The following PFKM variants were observed in gnomAD, a reference collection of about 807,000 sequenced individuals.
The protein encoded by PFKM is ATP-dependent 6-phosphofructokinase, muscle type.
In PFKM, 58 loss-of-function variants were observed where a neutral mutation model predicts 95.5. The ratio of observed to expected loss-of-function variants is 0.61; its 90% CI spans 0.49 to 0.76. PFKM has a LOEUF of 0.76. Among genes scored for constraint, PFKM ranks in the 30% least tolerant of loss-of-function variants. The pLI is 0.00. For missense variants in PFKM, 678 were observed against 1,005.4 expected (o/e 0.67, Z 4.40); for synonymous variants, 336 against 357.2 (o/e 0.94, Z 0.67).
At chr12:48,110,848 A>G (rs1033344391) in intron 3 of PFKM, among the ~76,000 whole-genome samples, 1 of 152,178 alleles carries the variant, frequency 6.6e-6, no homozygotes, top group Non-Finnish European at 1.5e-5. Context: ...TGTGTGGCCC[A>G]TAGAGGATCA....
chr12:48,127,041 G>A lies in PFKM; in HGVS notation c.86-3322G>A, dbSNP rs12304251. On this transcript the variant is annotated intron_variant, in intron 2 of 22. Coordinates refer to ENST00000359794, the MANE Select transcript of PFKM (RefSeq NM_000289.6). ...GGGCTTTGCCTTAGTGATGTCATAA[G>A]TAAGCTTTGACATCAGTGCTCACCA... 7.8e-3 allele frequency among the ~76,000 whole-genome samples: 1,195 copies of A among 152,252 alleles called. 28 individuals are homozygous for A. Among genetic ancestry groups the A allele is most frequent in the African/African-American group, 0.027 (1,131 of 41,546 alleles).
At chr12:48,107,171 G>A (rs1165163073) in intron 1 of PFKM, among the ~76,000 whole-genome samples, 1 of 152,168 alleles carries the variant, frequency 6.6e-6, no homozygotes, top group Non-Finnish European at 1.5e-5. Flanking sequence ...TCAGCAGCTT[G>A]CTGAGTTCAG....
chr12:48,137,397 GA>G, intron 10 of PFKM: 1 of 392,714 alleles, frequency 2.5e-6, no homozygotes, highest in Non-Finnish European at 4.8e-6. Flanking sequence ...ATCTTCACTG[GA>G]AGAGCAAAGC....
At chr12:48,107,504 C>G in intron 2 of PFKM, 6 of 1,204,842 alleles carry the variant, frequency 5.0e-6, no homozygotes, top group Non-Finnish European at 7.3e-6. Flanking sequence ...TGGGTTCTCT[C>G]ACAAGAAGTC....
chr12:48,115,384 T>C (rs926509552), upstream of PFKM, among the ~76,000 whole-genome samples: 1 of 152,158 alleles, frequency 6.6e-6, no homozygotes, highest in African/African-American at 2.4e-5. Context: ...TTAGTTCTTA[T>C]AGGTTTTAGG....
At chr12:48,121,639 T>C (rs1948288343) in intron 1 of PFKM, among the ~76,000 whole-genome samples, 1 of 152,174 alleles carries the variant, frequency 6.6e-6, no homozygotes, top group Admixed American at 6.5e-5. Context: ...ACATCTCCAC[T>C]GAAGCCTAGG....
intron 18 of PFKM, among the ~76,000 whole-genome samples, chr12:48,143,341 G>A (rs1300526471): frequency 6.6e-6 from 1 of 152,224 alleles, no homozygotes; most frequent in Non-Finnish European, 1.5e-5. Flanking sequence ...ACTACATCAT[G>A]TCTCCCCTTC....
chr12:48,141,619 G>A, intron 15 of PFKM, 121 bp from the exon 16 acceptor site: 1 of 864,212 alleles, frequency 1.2e-6, no homozygotes, highest in Non-Finnish European at 2.0e-6. Context: ...AGGGAGGGCG[G>A]CACAGGTCAA....
chr12:48,130,497 A>T, intron 3 of PFKM, 61 bp downstream of exon 3: 1 of 1,249,898 alleles, frequency 8.0e-7, no homozygotes, highest in Non-Finnish European at 1.2e-6. Flanking sequence ...TCTGCCTTCT[A>T]TCCCCTTCCC....
In PFKM at chr12:48,133,187, C is replaced by A. The variant is rs112524281; in HGVS notation, c.428-128C>A. 61 of 1,256,022 alleles carry A rather than the reference C, an allele frequency of 4.9e-5. No individual in the cohort carries two copies. In the African/African-American group the frequency reaches 7.2e-4, roughly 15 times the overall value. 77.8% of individuals were successfully genotyped at this position (1,256,022 alleles called of 1,614,324 possible). Reference sequence around the variant, plus strand: ...TGTTACCCAGACACAAATAGGCAGTCTTTGCCCTCCTTTTTCTGGTATTGT... The same window carrying A: ...TGTTACCCAGACACAAATAGGCAGTATTTGCCCTCCTTTTTCTGGTATTGT... On this transcript the variant is annotated intron_variant, in intron 5 of 22. Coordinates refer to ENST00000359794, the MANE Select transcript of PFKM (RefSeq NM_000289.6).
intron 10 of PFKM, chr12:48,137,365 T>C: frequency 3.2e-6 from 1 of 316,876 alleles, no homozygotes; most frequent in Non-Finnish European, 6.1e-6. Flanking sequence ...CCTTAGACAC[T>C]CAGTTTAAAC....
At chr12:48,131,030 GT>G (rs1949424033) in intron 3 of PFKM, among the ~76,000 whole-genome samples, 1 of 152,162 alleles carries the variant, frequency 6.6e-6, no homozygotes. Flanking sequence ...TAGGAAGCAG[GT>G]TGGAGGAGAT....
At chr12:48,142,513 T>G in intron 17 of PFKM, 1 of 496,334 alleles carries the variant, frequency 2.0e-6, no homozygotes, top group Non-Finnish European at 3.5e-6. Context: ...AAATGTTTTG[T>G]TTGTTTTTTT....
chr12:48,131,485 A>G lies in PFKM; in HGVS notation c.237+92A>G, dbSNP rs1592717638. ...CTCATGGTCTCCTAAATTCCCTGTCATGTGGTTTCATGGGAAGGAATTCAG... is the reference window on the plus strand; with the variant it reads ...CTCATGGTCTCCTAAATTCCCTGTCGTGTGGTTTCATGGGAAGGAATTCAG... On this transcript the variant is annotated intron_variant, in intron 4 of 22. Coordinates refer to ENST00000359794, the MANE Select transcript of PFKM (RefSeq NM_000289.6). 8.9e-6 allele frequency: 8 copies of G among 900,030 alleles called. No homozygotes were observed. In the East Asian group the frequency reaches 1.7e-4, roughly 19 times the overall value. The allele number at this position is 900,030 out of a possible 1,614,324, so 55.8% of individuals were successfully genotyped here.
At chr12:48,126,385 T>C (rs1458768713) in intron 2 of PFKM, among the ~76,000 whole-genome samples, 3 of 152,180 alleles carry the variant, frequency 2.0e-5, no homozygotes, top group African/African-American at 7.2e-5. Context: ...ATGAAGAGCA[T>C]CCTAAAGTTT....
chr12:48,146,006 A>C lies in PFKM; in HGVS notation c.*298A>C, dbSNP rs1026258609. On this transcript the variant is annotated 3_prime_UTR_variant, in exon 23 of 23. Coordinates refer to ENST00000359794, the MANE Select transcript of PFKM (RefSeq NM_000289.6). ...TAGAATTTTCCTAAAAATAAGCTTT[A>C]TTTATTTCTTTGTGATAACAAAGAG... 1 of 389,818 alleles carries C rather than the reference A, an allele frequency of 2.6e-6. No individual in the cohort carries two copies. The allele number at this position is 389,818 out of a possible 1,614,324, so 24.1% of individuals were successfully genotyped here.
chr12:48,122,925 A>G lies in PFKM; in HGVS notation c.85+66A>G, dbSNP rs909678381. On this transcript the variant is annotated intron_variant, in intron 2 of 22. Transcript: ENST00000359794. ...TGGAATTTACTGACTCCCTTAGCCT[A>G]TACAATAGAATTATTCTTCTGTAGG... 4.1e-5 allele frequency: 59 copies of G among 1,446,908 alleles called. No individual in the cohort carries two copies. The East Asian group carries it at 1.2e-3, about 31-fold the overall frequency. 89.6% of individuals were successfully genotyped at this position (1,446,908 alleles called of 1,614,324 possible). A position where few individuals can be genotyped will look rare whatever the true frequency, so the allele number is the denominator to read the frequency against.
Position 48,144,190 on chromosome 12 carries a change from A to C in PFKM, c.1992+33A>C, listed in dbSNP as rs1218715111. On this transcript the variant is annotated intron_variant, in intron 20 of 22. Coordinates refer to ENST00000359794, the MANE Select transcript of PFKM (RefSeq NM_000289.6). ...AGACACCGTAGTCATGCCCTTCATC[A>C]GACAGCCATACCTGCCAACAGCCAT... 7 of 1,396,962 alleles carry C rather than the reference A, an allele frequency of 5.0e-6. No individual in the cohort carries two copies. In the South Asian group the frequency reaches 6.9e-5, roughly 14 times the overall value. 86.5% of individuals were successfully genotyped at this position (1,396,962 alleles called of 1,614,324 possible).
chr12:48,140,198 T>C (rs1476515421), intron 13 of PFKM, among the ~76,000 whole-genome samples: 2 of 152,220 alleles, frequency 1.3e-5, no homozygotes, highest in South Asian at 2.1e-4. Context: ...TTATGTACTT[T>C]TTCTCTGGGA....
Sources: allele counts gnomAD v4.1 joint callset (sites outside exome capture counted in the v4.1 genomes callset), GRCh38; gene constraint gnomAD v4.1.1; transcripts MANE v1.5; gene names NCBI Gene and HGNC (gene_info 2026-07-23, HGNC 2026-07-21).